The following UBE2E3 variants were observed in gnomAD, a reference collection of about 807,000 sequenced individuals.
UBE2E3 encodes ubiquitin-conjugating enzyme E2 E3.
A neutral mutation model predicts 23.6 loss-of-function variants in UBE2E3; 5 were observed. The ratio of observed to expected loss-of-function variants is 0.21; its 90% CI spans 0.11 to 0.44. UBE2E3 has a LOEUF of 0.44. Among genes scored for constraint, UBE2E3 ranks in the 20% least tolerant of loss-of-function variants. The pLI is 0.99. For missense variants in UBE2E3, 81 were observed against 249.8 expected (o/e 0.32, Z 4.55); for synonymous variants, 78 against 87.5 (o/e 0.89, Z 0.60).
chr2:181,014,837 C>T (rs1342855214), intron 3 of UBE2E3, among the ~76,000 whole-genome samples: 1 of 151,934 alleles, frequency 6.6e-6, no homozygotes, highest in Non-Finnish European at 1.5e-5. Context: ...AAACATTTAT[C>T]TTTATGTTGG....
intron 3 of UBE2E3, among the ~76,000 whole-genome samples, chr2:181,023,548 A>G (rs1039243674): frequency 6.6e-5 from 10 of 152,184 alleles, no homozygotes; most frequent in Non-Finnish European, 1.2e-4. Context: ...GAATTCGGCC[A>G]GTGTGAGGCA....
intron 3 of UBE2E3, among the ~76,000 whole-genome samples, chr2:180,985,000 A>G (rs1300667637): frequency 1.3e-5 from 2 of 152,116 alleles, no homozygotes; most frequent in Non-Finnish European, 2.9e-5. Context: ...CAATGTTTTC[A>G]TGTTTAACCT....
intron 3 of UBE2E3, among the ~76,000 whole-genome samples, chr2:181,014,766 T>C (rs772268068): frequency 6.6e-5 from 10 of 152,248 alleles, no homozygotes; most frequent in Non-Finnish European, 1.5e-4. Context: ...ACATGTGATA[T>C]ATGATACCTT....
At chr2:181,055,682 G>A (rs553974156) in intron 3 of UBE2E3, among the ~76,000 whole-genome samples, 2,225 of 141,532 alleles carry the variant, frequency 0.016, 58 homozygotes, top group African/African-American at 0.06. Context: ...ATAGTTAAAT[G>A]TACACTTTGT....
chr2:180,991,633 A>T (rs1399007834), intron 3 of UBE2E3, among the ~76,000 whole-genome samples: 1 of 151,684 alleles, frequency 6.6e-6, no homozygotes, highest in African/African-American at 2.4e-5. Flanking sequence ...AAAACATGAG[A>T]TTTTTTTTGC....
chr2:181,054,444 G>A (rs1686930896), intron 3 of UBE2E3, among the ~76,000 whole-genome samples: 1 of 151,788 alleles, frequency 6.6e-6, no homozygotes, highest in East Asian at 1.9e-4. Context: ...TAGGTGTGTA[G>A]TGGCATGCTT....
intron 4 of UBE2E3, 71 bp from the exon 5 acceptor site, chr2:181,060,593 CA>C: frequency 6.7e-6 from 9 of 1,344,302 alleles, no homozygotes; most frequent in Non-Finnish European, 9.0e-6. Context: ...TATTACCCTT[CA>C]TTTTTTTTTA....
chr2:181,034,161 CCAAT>C (rs1686183614), intron 3 of UBE2E3, among the ~76,000 whole-genome samples: 1 of 152,122 alleles, frequency 6.6e-6, no homozygotes, highest in African/African-American at 2.4e-5. Context: ...ATTTGACCCA[CCAAT>C]CCCATTACTG....
chr2:180,998,723 A>T (rs1172009814), intron 3 of UBE2E3, among the ~76,000 whole-genome samples: 1 of 152,144 alleles, frequency 6.6e-6, no homozygotes, highest in Non-Finnish European at 1.5e-5. Context: ...TTGTGGTGCA[A>T]ACAGCTGAAA....
At chr2:181,035,311 AG>A (rs1686233294) in intron 3 of UBE2E3, among the ~76,000 whole-genome samples, 1 of 152,180 alleles carries the variant, frequency 6.6e-6, no homozygotes. Context: ...GGGTTGCAGT[AG>A]TACTGTCAGC....
At position 181,024,773 on chromosome 2, in the gene UBE2E3, A is replaced by G. The variant is rs16867377; in HGVS notation, c.246-32920A>G. On this transcript the variant is annotated intron_variant, in intron 3 of 5. Coordinates refer to ENST00000410062, the MANE Select transcript of UBE2E3 (RefSeq NM_006357.4). ...ATTGATGTAACTATTTTATAAATGA[A>G]AAACTACACACTAAAAACCAAATAT... is the stretch of plus-strand genomic sequence containing the variant. 8.5e-3 allele frequency among the ~76,000 whole-genome samples: 1,288 copies of G among 152,204 alleles called. 20 individuals are homozygous for G. Among genetic ancestry groups the G allele is most frequent in the African/African-American group, 0.029 (1,223 of 41,572 alleles).
At chr2:181,014,097 A>G (rs953058842) in intron 3 of UBE2E3, among the ~76,000 whole-genome samples, 2 of 152,212 alleles carry the variant, frequency 1.3e-5, no homozygotes, top group Admixed American at 6.5e-5. Context: ...AAGGAGATGT[A>G]TATGTCAGGG....
Position 181,062,894 on chromosome 2 carries a change from A to G in UBE2E3, c.*6A>G, listed in dbSNP as rs2105486755. Reference sequence around the variant, plus strand: ...CCAAGAGATACGCAACATAATTCACATAATTTGTATGCAGTGTGAAGGAGC... The same window carrying G: ...CCAAGAGATACGCAACATAATTCACGTAATTTGTATGCAGTGTGAAGGAGC... On this transcript the variant is annotated 3_prime_UTR_variant, in exon 6 of 6. Coordinates refer to ENST00000410062, the MANE Select transcript of UBE2E3 (RefSeq NM_006357.4). 2 of 1,579,974 alleles carry G rather than the reference A, an allele frequency of 1.3e-6. No homozygotes were observed. Among genetic ancestry groups the G allele is most frequent in the South Asian group, 1.1e-5 (1 of 88,560 alleles).
At chr2:181,051,495 C>G (rs1189656825) in intron 3 of UBE2E3, among the ~76,000 whole-genome samples, 1 of 151,750 alleles carries the variant, frequency 6.6e-6, no homozygotes, top group Non-Finnish European at 1.5e-5. Context: ...TCTTAATTAC[C>G]TAACTCATTC....
intron 3 of UBE2E3, among the ~76,000 whole-genome samples, chr2:180,999,165 T>G (rs1241899186): frequency 1.3e-5 from 2 of 152,180 alleles, no homozygotes; most frequent in Non-Finnish European, 1.5e-5. Context: ...AGGTCGAATT[T>G]ATTTATTATG....
At chr2:181,002,191 CT>C (rs111463215) in intron 3 of UBE2E3, among the ~76,000 whole-genome samples, 35,323 of 152,002 alleles carry the variant, frequency 0.23, 4,475 homozygotes, top group Non-Finnish European at 0.28. Flanking sequence ...TAATGGATTT[CT>C]TTTTTTACTG....
chr2:181,023,569 TC>T (rs1328399273), intron 3 of UBE2E3, among the ~76,000 whole-genome samples: 1 of 152,180 alleles, frequency 6.6e-6, no homozygotes, highest in Non-Finnish European at 1.5e-5. Context: ...TCCCTTACTT[TC>T]TTTAACACAG....
At chr2:181,003,759 T>A (rs936243454) in intron 3 of UBE2E3, among the ~76,000 whole-genome samples, 11 of 152,256 alleles carry the variant, frequency 7.2e-5, no homozygotes, top group Admixed American at 3.3e-4. Flanking sequence ...TGATGAATTG[T>A]TACAAGTATC....
chr2:181,013,843 T>C (rs1211349855), intron 3 of UBE2E3, among the ~76,000 whole-genome samples: 1 of 152,174 alleles, frequency 6.6e-6, no homozygotes, highest in African/African-American at 2.4e-5. Flanking sequence ...CCATGCCTCT[T>C]CATGGAGGAA....
Sources: gnomAD v4.1 joint callset for allele counts (sites outside exome capture counted in the v4.1 genomes callset) on GRCh38, gnomAD v4.1.1 for gene constraint, MANE v1.5 for transcripts, NCBI Gene and HGNC (gene_info 2026-07-23, HGNC 2026-07-21) for gene names.